ASCC1: variants seen among roughly 807,000 people sequenced by gnomAD.
ASCC1 encodes ASC-1 complex subunit P50.
In ASCC1, 35 loss-of-function variants were observed where a neutral mutation model predicts 46.6. That is an observed-to-expected ratio of 0.75 (90% CI 0.57 to 0.99). The LOEUF is 0.99. ASCC1 is among the 50% of genes least tolerant of loss of function. The pLI is 0.00. For missense variants in ASCC1, 376 were observed against 428.7 expected (o/e 0.88, Z 1.09); for synonymous variants, 143 against 146.6 (o/e 0.98, Z 0.18).
intron 5 of ASCC1, among the ~76,000 whole-genome samples, chr10:72,193,370 A>C (rs752092656): frequency 7.2e-5 from 11 of 152,076 alleles, no homozygotes; most frequent in Non-Finnish European, 1.3e-4. Context: ...TGTTGAGTGA[A>C]AGAAGCCAGT....
At chr10:72,127,603 A>C (rs994639120) in intron 9 of ASCC1, among the ~76,000 whole-genome samples, 1 of 152,158 alleles carries the variant, frequency 6.6e-6, no homozygotes, top group Admixed American at 6.5e-5. Flanking sequence ...GTACAGAGTA[A>C]AACTTAGGTT....
intron 4 of ASCC1, among the ~76,000 whole-genome samples, chr10:72,199,517 C>CA (rs1216598522): frequency 6.6e-6 from 1 of 152,010 alleles, no homozygotes; most frequent in Non-Finnish European, 1.5e-5. Context: ...AGACTGGTCT[C>CA]AAACTCCTGA....
At chr10:72,121,386 C>A (rs1844184037) in intron 9 of ASCC1, among the ~76,000 whole-genome samples, 1 of 152,002 alleles carries the variant, frequency 6.6e-6, no homozygotes, top group Non-Finnish European at 1.5e-5. Flanking sequence ...CTCAAGTGAT[C>A]CTCCCACATG....
intron 6 of ASCC1, among the ~76,000 whole-genome samples, chr10:72,157,659 A>T (rs1849142953): frequency 6.6e-6 from 1 of 152,218 alleles, no homozygotes; most frequent in Non-Finnish European, 1.5e-5. Context: ...AAAAACTGTT[A>T]TACTGGGGTT....
At chr10:72,130,987 C>T (rs1004931310) in intron 8 of ASCC1, among the ~76,000 whole-genome samples, 1 of 152,094 alleles carries the variant, frequency 6.6e-6, no homozygotes, top group South Asian at 2.1e-4. Flanking sequence ...AATTTGTTTT[C>T]CAAAATTAAA....
At chr10:72,217,092 A>G, upstream of ASCC1, 1 of 453,992 alleles carries the variant, frequency 2.2e-6, no homozygotes, top group South Asian at 1.6e-5. Context: ...AGCACAGTGG[A>G]AACACTGCCC....
At chr10:72,113,662 C>A (rs1843170721) in intron 9 of ASCC1, among the ~76,000 whole-genome samples, 1 of 152,192 alleles carries the variant, frequency 6.6e-6, no homozygotes, top group Non-Finnish European at 1.5e-5. Context: ...GAAGCTACAA[C>A]ACCAAACTGA....
chr10:72,177,273 T>C (rs1161510774), intron 5 of ASCC1, among the ~76,000 whole-genome samples: 1 of 152,200 alleles, frequency 6.6e-6, no homozygotes, highest in East Asian at 1.9e-4. Context: ...TGGGGCTTTT[T>C]ACAATTTTCC....
chr10:72,175,664 T>C (rs992590204), intron 5 of ASCC1, among the ~76,000 whole-genome samples: 5 of 152,362 alleles, frequency 3.3e-5, no homozygotes, highest in East Asian at 3.9e-4. Context: ...TTCTCATGCA[T>C]TGTCTAAAGA....
chr10:72,198,859 C>A (rs896409869), intron 4 of ASCC1, among the ~76,000 whole-genome samples: 15 of 152,180 alleles, frequency 9.9e-5, no homozygotes, highest in African/African-American at 3.6e-4. Context: ...CTCTGTCACC[C>A]AGGCTGCAGT....
At chr10:72,120,750 A>T (rs1844104517) in intron 9 of ASCC1, among the ~76,000 whole-genome samples, 1 of 152,146 alleles carries the variant, frequency 6.6e-6, no homozygotes, top group East Asian at 1.9e-4. Context: ...CTCAGAAACC[A>T]TGCAATCAAA....
intron 9 of ASCC1, among the ~76,000 whole-genome samples, chr10:72,106,060 C>T (rs1842312309): frequency 1.3e-5 from 2 of 152,082 alleles, no homozygotes; most frequent in African/African-American, 4.8e-5. Flanking sequence ...ATGAGGCTCG[C>T]TCTTTTCTTC....
At chr10:72,168,137 G>A (rs1457241564) in intron 5 of ASCC1, among the ~76,000 whole-genome samples, 1 of 152,184 alleles carries the variant, frequency 6.6e-6, no homozygotes, top group African/African-American at 2.4e-5. Context: ...GTTGCAGTGA[G>A]CCGAGATCGT....
intron 2 of ASCC1, 67 bp from the exon 3 acceptor site, chr10:72,210,898 G>T: frequency 1.4e-6 from 2 of 1,434,438 alleles, no homozygotes; most frequent in Non-Finnish European, 9.7e-7. Context: ...TTTCGCCTCA[G>T]CTGTCAACCG....
chr10:72,105,732 G>A (rs1439720358), intron 9 of ASCC1, among the ~76,000 whole-genome samples: 2 of 152,076 alleles, frequency 1.3e-5, no homozygotes, highest in African/African-American at 4.8e-5. Context: ...TTGATTTCTG[G>A]TAATGTTGTG....
chr10:72,137,527 C>CAA (rs397956947), intron 7 of ASCC1, among the ~76,000 whole-genome samples: 3,393 of 75,612 alleles, frequency 0.045, 183 homozygotes, highest in East Asian at 0.15. Flanking sequence ...GACTCCATCT[C>CAA]AAAAAAAAAA....
intron 5 of ASCC1, among the ~76,000 whole-genome samples, chr10:72,173,613 T>A (rs1361488558): frequency 1.3e-5 from 2 of 152,222 alleles, no homozygotes; most frequent in East Asian, 3.8e-4. Flanking sequence ...AGAAACGCTC[T>A]AAATTCTGCC....
chr10:72,170,913 T>C (rs991758121), intron 5 of ASCC1, among the ~76,000 whole-genome samples: 1 of 152,062 alleles, frequency 6.6e-6, no homozygotes. Flanking sequence ...GCTGAGGGGA[T>C]AGCTTGAGAC....
chr10:72,190,435 C>T, intron 5 of ASCC1: 1 of 1,597,994 alleles, frequency 6.3e-7, no homozygotes, highest in Non-Finnish European at 8.5e-7. Flanking sequence ...TCCACAACCA[C>T]AGGGAGATGC....
Sources: allele counts gnomAD v4.1 joint callset (sites outside exome capture counted in the v4.1 genomes callset), GRCh38; gene constraint gnomAD v4.1.1; transcripts MANE v1.5; gene names NCBI Gene and HGNC (gene_info 2026-07-23, HGNC 2026-07-21).